The following ITPA variants were observed in gnomAD, a reference collection of about 807,000 sequenced individuals.
ITPA encodes the protein inosine triphosphatase.
A neutral mutation model predicts 29.6 loss-of-function variants in ITPA; 29 were observed. The ratio of observed to expected loss-of-function variants is 0.98; its 90% confidence interval spans 0.73 to 1.34. The LOEUF (loss-of-function observed/expected upper bound fraction) is 1.34. Among genes scored for constraint, ITPA ranks in the 40% most tolerant of loss-of-function variants. ITPA has a pLI of 0.00. For synonymous variants in ITPA, 103 were observed against 99.3 expected (o/e 1.04, Z -0.22); for missense variants, 241 against 251.5 (o/e 0.96, Z 0.28).
intron 6 of ITPA, among the ~76,000 whole-genome samples, chr20:3,220,831 C>A (rs761651106): frequency 2.0e-5 from 3 of 152,112 alleles, no homozygotes; most frequent in Non-Finnish European, 2.9e-5. Flanking sequence ...GCTGAGATTA[C>A]AGGCGTGAGC....
downstream of ITPA, chr20:3,223,876 G>T (rs143847989): frequency 1.5e-4 from 25 of 167,308 alleles, no homozygotes; most frequent in Non-Finnish European, 2.6e-4. Context: ...CCCCAGGCAG[G>T]TGTCTGTCTC....
At chr20:3,213,885 A>G (rs1443823922) in intron 3 of ITPA, 100 bp from the exon 4 acceptor site, 1 of 1,191,896 alleles carries the variant, frequency 8.4e-7, no homozygotes, top group Non-Finnish European at 1.3e-6. Flanking sequence ...GATCTCAGCT[A>G]GCTGAGGGCT....
intron 6 of ITPA, among the ~76,000 whole-genome samples, chr20:3,221,582 C>T (rs1600534549): frequency 2.0e-5 from 3 of 148,776 alleles, no homozygotes; most frequent in Admixed American, 1.3e-4. Flanking sequence ...GTGTGGCTGG[C>T]GAGGGCGCGT....
Position 3,221,910 on chromosome 20 carries a change from G to C in ITPA, c.481G>C (p.Glu161Gln). ...WDPCFQPDGY[E>Q]QTYAEMPKAE... ...CCCCTGCTTTCAGCCTGATGGATAT[G>C]AGCAGACGTAAGGAGCCCTGCTTTT... Residue 161 changes from glutamate (E) to glutamine (Q), a missense_variant, in exon 7 of 8, where the codon GAG (glutamate) becomes CAG (glutamine). By Grantham distance (29) the Glu-to-Gln change is conservative (BLOSUM62 2). Transcript: ENST00000380113. The C allele has an allele frequency of 1.2e-6, 2 of 1,613,854 alleles. No individual in the cohort carries two copies. The highest frequency in any genetic ancestry group is 1.7e-6 in the Non-Finnish European group (2 of 1,179,988).
At chr20:3,209,272 G>C (rs1016464065), upstream of ITPA, 4 of 514,842 alleles carry the variant, frequency 7.8e-6, no homozygotes, top group Admixed American at 1.3e-4. The surrounding 1 kb of genome is among the most constrained non-coding windows in gnomAD (Gnocchi z 4.6). Flanking sequence ...CGGGGTGGGG[G>C]TGGGAGTGGT....
chr20:3,218,784 T>C (rs901585175), intron 6 of ITPA, 152 bp downstream of exon 6: 1 of 693,788 alleles, frequency 1.4e-6, no homozygotes, highest in Non-Finnish European at 2.6e-6. Flanking sequence ...CTGCGCAGCA[T>C]AGGTAGAAGT....
intron 7 of ITPA, 145 bp downstream of exon 7, chr20:3,222,062 TG>T: frequency 1.2e-6 from 1 of 801,044 alleles, no homozygotes; most frequent in South Asian, 1.4e-5. Context: ...GCAGCTCTGC[TG>T]GGGTGGACAC....
chr20:3,218,452 G>A, intron 5 of ITPA, 65 bp from the exon 6 acceptor site: 1 of 1,136,044 alleles, frequency 8.8e-7, no homozygotes, highest in Non-Finnish European at 1.3e-6. Context: ...CTTAGTGGGC[G>A]TCTTGGGAGT....
intron 7 of ITPA, among the ~76,000 whole-genome samples, chr20:3,222,747 G>A (rs563994274): frequency 3.7e-4 from 57 of 152,334 alleles, no homozygotes; most frequent in Admixed American, 9.8e-4. Flanking sequence ...CCCAGCAGGG[G>A]TGAGGACATT....
upstream of ITPA, chr20:3,204,673 G>T (rs964680661): frequency 1.3e-6 from 2 of 1,527,178 alleles, no homozygotes; most frequent in Non-Finnish European, 1.8e-6. Context: ...CTGAGGCCGG[G>T]ATCTCATAGG....
At chr20:3,213,419 T>C in intron 3 of ITPA, 36 bp downstream of exon 3, 10 of 1,612,712 alleles carry the variant, frequency 6.2e-6, no homozygotes, top group Non-Finnish European at 8.5e-6. Context: ...CTTGCTCTTC[T>C]TGTCCAGGTA....
At chr20:3,224,544 C>T (rs1161126406), downstream of ITPA, among the ~76,000 whole-genome samples, 1 of 152,222 alleles carries the variant, frequency 6.6e-6, no homozygotes, top group African/African-American at 2.4e-5. Context: ...AGTGTCATTC[C>T]TTCACTCCCC....
At chr20:3,207,235 G>A (rs2067077642), upstream of ITPA, among the ~76,000 whole-genome samples, 1 of 152,114 alleles carries the variant, frequency 6.6e-6, no homozygotes, top group African/African-American at 2.4e-5. Flanking sequence ...GACTACAGGT[G>A]TGTGCCCCCA....
chr20:3,225,445 T>C (rs919169511), downstream of ITPA, among the ~76,000 whole-genome samples: 5 of 152,072 alleles, frequency 3.3e-5, no homozygotes, highest in Non-Finnish European at 4.4e-5. Context: ...GGCCAGTGGT[T>C]TATTCAATCA....
At chr20:3,218,682 C>T in intron 6 of ITPA, 50 bp downstream of exon 6, 2 of 1,459,660 alleles carry the variant, frequency 1.4e-6, no homozygotes, top group Non-Finnish European at 9.6e-7. Context: ...CAGGGGGTGC[C>T]GCGACCCGAG....
upstream of ITPA, chr20:3,204,402 C>T: frequency 2.3e-6 from 2 of 876,220 alleles, no homozygotes; most frequent in Non-Finnish European, 3.4e-6. Context: ...ACCCGGCACA[C>T]GACTAGCGCA....
Position 3,223,552 on chromosome 20 carries a change from CTTCCTT to C in ITPA, c.*91_*96del. 1.0e-6 allele frequency: 1 copy of C among 965,464 alleles called. No individual in the cohort carries two copies. 59.8% of individuals were successfully genotyped at this position (965,464 alleles called of 1,614,324 possible). On this transcript the variant is annotated 3_prime_UTR_variant, in exon 8 of 8. Coordinates refer to ENST00000380113, the MANE Select transcript of ITPA (RefSeq NM_033453.4). ...CATCGGGCAGGCACCCCCTGAAGTA[CTTCCTT>C]CAGGGTTTCCCCTTTGTGAGGGTGT...
chr20:3,218,919 C>T, intron 6 of ITPA: 1 of 484,204 alleles, frequency 2.1e-6, no homozygotes, highest in Non-Finnish European at 3.8e-6. Context: ...CTGTTTGACC[C>T]CTGAGGCTGT....
chr20:3,207,857 T>C (rs1600484144), upstream of ITPA, among the ~76,000 whole-genome samples: 1 of 151,256 alleles, frequency 6.6e-6, no homozygotes, highest in Non-Finnish European at 1.5e-5. Context: ...TAGCTGGGCG[T>C]CGTGGGGGGT....
Sources: gnomAD v4.1 joint callset for allele counts (sites outside exome capture counted in the v4.1 genomes callset) on GRCh38, gnomAD v4.1.1 for gene constraint, Gnocchi (gnomAD v3.1) non-coding constraint, MANE v1.5 for transcripts, NCBI Gene and HGNC (gene_info 2026-07-23, HGNC 2026-07-21) for gene names.